TPO: variants seen among roughly 807,000 people sequenced by gnomAD.
TPO encodes the protein thyroid microsomal antigen.
Under a neutral mutation model 96.9 loss-of-function variants are expected in TPO, and 78 were observed. The ratio of observed to expected loss-of-function variants is 0.81; its 90% CI spans 0.67 to 0.97. TPO has a LOEUF of 0.97. Ranked by LOEUF, TPO falls within the 50% of genes least tolerant of loss-of-function variation. TPO has a pLI of 0.00. For synonymous variants in TPO, 547 were observed against 538.0 expected (o/e 1.02, Z -0.23); for missense variants, 1,252 against 1,274.8 (o/e 0.98, Z 0.27).
At chr2:1,429,857 A>C (rs1664803562) in intron 3 of TPO, among the ~76,000 whole-genome samples, 1 of 152,234 alleles carries the variant, frequency 6.6e-6, no homozygotes, top group Non-Finnish European at 1.5e-5. Context: ...CAACCATCAG[A>C]TATGAGAGCA....
chr2:1,436,304 C>T lies in TPO; in HGVS notation c.402C>T (p.Leu134=), dbSNP rs747245287. Residue 134 remains leucine, a synonymous_variant, in exon 5 of 17, where the codon CTC becomes CTT. Transcript: ENST00000329066. The part of the protein sequence containing the change: ...LSIIANMSGC[L]PYMLPPKCPN... The stretch of plus-strand genomic sequence containing the variant: ...TCATTGCAAACATGTCTGGATGTCT[C>T]CCTTACATGCTGCCCCCAAAATGCC... 4.3e-6 allele frequency: 7 copies of T among 1,614,086 alleles called. No individual in the cohort carries two copies. In the South Asian group the frequency reaches 7.7e-5, roughly 18 times the overall value.
At chr2:1,526,828 C>T (rs1282620384) in intron 15 of TPO, among the ~76,000 whole-genome samples, 4 of 135,880 alleles carry the variant, frequency 2.9e-5, no homozygotes, top group Admixed American at 7.5e-5. Flanking sequence ...TATGCAACCT[C>T]CCCAAATCCT....
intron 7 of TPO, among the ~76,000 whole-genome samples, chr2:1,457,460 C>CGT (rs796613288): frequency 0.2 from 2,832 of 13,904 alleles, 795 homozygotes; most frequent in South Asian, 0.56. Context: ...TGTGGGTACA[C>CGT]ATATATAGCA....
chr2:1,523,917 T>TCCCCAAATCCCCCC, intron 15 of TPO, among the ~76,000 whole-genome samples: 1 of 60,334 alleles, frequency 1.7e-5, no homozygotes, highest in Non-Finnish European at 3.0e-5. Context: ...GTAATCAACC[T>TCCCCAAATCCCCCC]CCCCAAATCC....
At chr2:1,497,991 C>CAAAAAAA (rs543921082) in intron 13 of TPO, among the ~76,000 whole-genome samples, 1 of 87,272 alleles carries the variant, frequency 1.1e-5, no homozygotes. Flanking sequence ...CCCCATCTAC[C>CAAAAAAA]AAAAAAAAAA....
intron 15 of TPO, among the ~76,000 whole-genome samples, chr2:1,522,511 T>C (rs1304586025): frequency 2.0e-5 from 3 of 147,962 alleles, no homozygotes; most frequent in African/African-American, 7.6e-5. Flanking sequence ...CCTCACAGTC[T>C]CTCTGATCTG....
intron 15 of TPO, among the ~76,000 whole-genome samples, chr2:1,520,868 C>G (rs1675185166): frequency 6.6e-6 from 1 of 152,230 alleles, no homozygotes; most frequent in Non-Finnish European, 1.5e-5. Flanking sequence ...ATCCGGCTTT[C>G]TTAGCTCAGC....
At chr2:1,400,418 G>T (rs1662148357) in intron 1 of TPO, among the ~76,000 whole-genome samples, 1 of 152,112 alleles carries the variant, frequency 6.6e-6, no homozygotes, top group Non-Finnish European at 1.5e-5. Flanking sequence ...GCTTGAATTT[G>T]GGAGGCAAAG....
rs139402112 is a variant in TPO, at chr2:1,478,919, T to C, written c.1338+1315T>C. ...CCACACAGCAAACACGGCAGACGAGTTCACTGTCCTAACACACACATCCAC... is the reference window on the plus strand; with the variant it reads ...CCACACAGCAAACACGGCAGACGAGCTCACTGTCCTAACACACACATCCAC... On this transcript the variant is annotated intron_variant, in intron 8 of 16. Transcript: ENST00000329066. Among the ~76,000 whole-genome samples the C allele has an allele frequency of 3.0e-3, 445 of 147,162 alleles. 8 individuals carry two copies. The highest frequency in any genetic ancestry group is 0.011 in the African/African-American group (417 of 37,260).
intron 16 of TPO, chr2:1,541,170 T>C: frequency 2.6e-6 from 3 of 1,174,672 alleles, no homozygotes; most frequent in Non-Finnish European, 2.1e-6. Flanking sequence ...TATCAAAAAC[T>C]CACTTGTGTA....
intron 14 of TPO, chr2:1,513,717 A>G (rs1288342444): frequency 1.3e-5 from 2 of 152,234 alleles, no homozygotes; most frequent in African/African-American, 4.8e-5. Flanking sequence ...ATGTAGATAT[A>G]CTATATATAG....
At chr2:1,514,367 G>A (rs1187556217) in intron 14 of TPO, among the ~76,000 whole-genome samples, 2 of 152,216 alleles carry the variant, frequency 1.3e-5, no homozygotes, top group Non-Finnish European at 2.9e-5. Context: ...CTGGGCGCCT[G>A]TGCTCCAGTC....
chr2:1,463,426 T>C (rs1359280803), intron 7 of TPO, among the ~76,000 whole-genome samples: 1 of 152,272 alleles, frequency 6.6e-6, no homozygotes, highest in Non-Finnish European at 1.5e-5. Flanking sequence ...TCTGAGTATT[T>C]ACGGTGGAGT....
intron 1 of TPO, among the ~76,000 whole-genome samples, chr2:1,413,998 A>G (rs945032004): frequency 3.3e-5 from 5 of 152,230 alleles, no homozygotes; most frequent in Admixed American, 3.3e-4. Flanking sequence ...CACTTTTATA[A>G]AGACTAAATT....
intron 15 of TPO, among the ~76,000 whole-genome samples, chr2:1,526,285 G>C (rs1393595210): frequency 7.4e-5 from 6 of 80,796 alleles, no homozygotes; most frequent in Non-Finnish European, 1.3e-4. Flanking sequence ...CCCCCACAGT[G>C]TGCAAACACC....
At chr2:1,489,578 G>A (rs963894193) in intron 10 of TPO, among the ~76,000 whole-genome samples, 1 of 152,312 alleles carries the variant, frequency 6.6e-6, no homozygotes, top group East Asian at 1.9e-4. Flanking sequence ...AGGAAGGGCT[G>A]TGTTTCAGGG....
rs1680882517 is a variant in TPO, at chr2:1,542,556, G to GAAATCA, written c.*83_*88dup. The GAAATCA allele has an allele frequency of 2.5e-6, 4 of 1,591,570 alleles. No individual in the cohort carries two copies. The highest frequency in any genetic ancestry group is 2.6e-6 in the Non-Finnish European group (3 of 1,168,346). ...CTCTTTTCCAAACACAGGCAAATCC[G>GAAATCA]AAATCAGCAGGACGACTGTTTTCCC... On this transcript the variant is annotated 3_prime_UTR_variant, in exon 17 of 17. Coordinates refer to ENST00000329066, the MANE Select transcript of TPO (RefSeq NM_001206744.2).
intron 13 of TPO, among the ~76,000 whole-genome samples, chr2:1,498,294 G>A (rs1030155366): frequency 6.6e-6 from 1 of 152,196 alleles, no homozygotes; most frequent in Non-Finnish European, 1.5e-5. Flanking sequence ...TCAGGTAGGG[G>A]TGCGGCTCCC....
intron 15 of TPO, among the ~76,000 whole-genome samples, chr2:1,527,795 C>T (rs1222336757): frequency 7.5e-6 from 1 of 132,676 alleles, no homozygotes; most frequent in African/African-American, 2.9e-5. Context: ...CTCCCAAAAT[C>T]CCACACACTG....
Sources: gnomAD v4.1 joint callset for allele counts (sites outside exome capture counted in the v4.1 genomes callset) on GRCh38, gnomAD v4.1.1 for gene constraint, MANE v1.5 for transcripts, NCBI Gene and HGNC (gene_info 2026-07-23, HGNC 2026-07-21) for gene names.